The following UNC13C variants were observed in gnomAD, a reference collection of about 807,000 sequenced individuals.
The protein encoded by UNC13C is protein unc-13 homolog C.
UNC13C carries 174 observed loss-of-function variants against 245.4 expected under a neutral mutation model. That is an observed-to-expected ratio of 0.71 (90% CI 0.63 to 0.80). The LOEUF (loss-of-function observed/expected upper bound fraction) is 0.80. Among genes scored for constraint, UNC13C ranks in the 30% least tolerant of loss-of-function variants. UNC13C has a pLI of 0.00. For missense variants in UNC13C, 2,829 were observed against 2,602.9 expected (o/e 1.09, Z -1.89); for synonymous variants, 992 against 895.1 (o/e 1.11, Z -1.93).
chr15:54,285,096 A>G (rs1366761785), intron 10 of UNC13C, among the ~76,000 whole-genome samples: 2 of 152,176 alleles, frequency 1.3e-5, no homozygotes, highest in East Asian at 1.9e-4. Context: ...AAGCCAGTGC[A>G]TGAACTCCTC....
chr15:54,366,267 C>T (rs192544477), intron 17 of UNC13C, among the ~76,000 whole-genome samples: 123 of 152,208 alleles, frequency 8.1e-4, no homozygotes, highest in Middle Eastern at 3.4e-3. Context: ...AGATATATTT[C>T]CATAACGTGG....
intron 2 of UNC13C, among the ~76,000 whole-genome samples, chr15:54,100,367 T>C (rs931458181): frequency 2.6e-5 from 4 of 152,148 alleles, no homozygotes; most frequent in Admixed American, 1.3e-4. Flanking sequence ...ATTGACATGT[T>C]CTCCACTCAT....
the UNC13C span, among the ~76,000 whole-genome samples, chr15:53,875,499 A>G: frequency 6.6e-6 from 1 of 152,116 alleles, no homozygotes; most frequent in African/African-American, 2.4e-5. Flanking sequence ...TGGTAAGGTG[A>G]TTTGAAGGCT....
chr15:54,431,647 T>G (rs757340493), intron 19 of UNC13C, among the ~76,000 whole-genome samples: 12 of 151,750 alleles, frequency 7.9e-5, no homozygotes, highest in African/African-American at 2.9e-4. Context: ...TTTTCAAGAC[T>G]GTTGGTTATA....
At chr15:53,867,059 C>T in the UNC13C span, among the ~76,000 whole-genome samples, 1 of 152,190 alleles carries the variant, frequency 6.6e-6, no homozygotes, top group African/African-American at 2.4e-5. Flanking sequence ...GGAACATCCT[C>T]AGTAACTTGG....
At chr15:54,172,709 TATATATA>T (rs2033452921) in intron 4 of UNC13C, among the ~76,000 whole-genome samples, 18 of 54,244 alleles carry the variant, frequency 3.3e-4, no homozygotes, top group African/African-American at 2.8e-3. Flanking sequence ...CACAGATATA[TATATATA>T]TATATATATA....
At position 54,623,920 on chromosome 15, in the gene UNC13C, A is replaced by C. The variant is rs773796645; in HGVS notation, c.6325A>C (p.Thr2109Pro). Residue 2109 changes from threonine (T) to proline (P), a missense_variant, in exon 32 of 33, where the codon ACA becomes CCA. By Grantham distance (38) the Thr-to-Pro change is conservative (BLOSUM62 -1). Transcript: ENST00000260323. Reference protein sequence around the residue: ...RKQGTKTKSNTWSPKYNETFQ... With the variant: ...RKQGTKTKSNPWSPKYNETFQ... ...ACAAGGCACAAAAACAAAAAGCAAC[A>C]CATGGTCACCAAAGTACAATGAAAC... is the stretch of plus-strand genomic sequence containing the variant. 2.5e-6 allele frequency: 4 copies of C among 1,613,324 alleles called. No individual in the cohort carries two copies. Among genetic ancestry groups the C allele is most frequent in the Non-Finnish European group, 3.4e-6 (4 of 1,179,428 alleles).
At chr15:54,238,404 G>A (rs1360931626) in intron 7 of UNC13C, among the ~76,000 whole-genome samples, 2 of 151,892 alleles carry the variant, frequency 1.3e-5, no homozygotes, top group African/African-American at 2.4e-5. Flanking sequence ...ACCTCCATAG[G>A]GTCATATGAT....
chr15:54,287,832 G>A (rs891916286), intron 10 of UNC13C, among the ~76,000 whole-genome samples: 2 of 152,154 alleles, frequency 1.3e-5, no homozygotes, highest in Admixed American at 6.6e-5. Flanking sequence ...AACCTCTTTA[G>A]CTTCTCAGCA....
At chr15:54,568,851 C>G (rs1897627146) in intron 30 of UNC13C, among the ~76,000 whole-genome samples, 1 of 152,068 alleles carries the variant, frequency 6.6e-6, no homozygotes, top group Non-Finnish European at 1.5e-5. Context: ...CTACCTATAT[C>G]AAAGATAAAG....
At chr15:54,297,441 C>T (rs1438140902) in intron 11 of UNC13C, among the ~76,000 whole-genome samples, 1 of 152,036 alleles carries the variant, frequency 6.6e-6, no homozygotes, top group Admixed American at 6.6e-5. Context: ...TAACCTCAAA[C>T]TCCTGAGTTC....
chr15:54,408,562 C>T (rs988109436), intron 18 of UNC13C, among the ~76,000 whole-genome samples: 7 of 151,996 alleles, frequency 4.6e-5, no homozygotes, highest in Non-Finnish European at 5.9e-5. Flanking sequence ...AATTGAATTT[C>T]AAAAATGATA....
chr15:53,911,430 A>G, the UNC13C span: 2 of 152,358 alleles, frequency 1.3e-5, no homozygotes, highest in African/African-American at 2.4e-5. Context: ...ATGGGACCGC[A>G]GGCGAGATCC....
chr15:54,618,115 T>G (rs187364353), intron 30 of UNC13C, among the ~76,000 whole-genome samples: 78 of 152,274 alleles, frequency 5.1e-4, no homozygotes, highest in Admixed American at 2.8e-3. Context: ...CATAGCATAC[T>G]AAAATTATGG....
At chr15:54,539,348 G>A (rs996003285) in intron 26 of UNC13C, among the ~76,000 whole-genome samples, 1 of 151,912 alleles carries the variant, frequency 6.6e-6, no homozygotes, top group Non-Finnish European at 1.5e-5. Context: ...AGGGAAGTAG[G>A]TGCAGAAGAA....
chr15:54,092,636 T>C (rs1438032220), intron 2 of UNC13C, among the ~76,000 whole-genome samples: 3 of 152,146 alleles, frequency 2.0e-5, no homozygotes, highest in African/African-American at 7.2e-5. Flanking sequence ...ATGCAAATAG[T>C]TTGAAGAGAA....
chr15:54,352,455 T>C (rs2039006282), intron 17 of UNC13C, among the ~76,000 whole-genome samples: 1 of 151,170 alleles, frequency 6.6e-6, no homozygotes, highest in Admixed American at 6.6e-5. Context: ...TAAAATGGTG[T>C]TGCATTAATG....
chr15:54,311,186 A>G (rs936247170), intron 13 of UNC13C, among the ~76,000 whole-genome samples: 1 of 151,742 alleles, frequency 6.6e-6, no homozygotes, highest in Non-Finnish European at 1.5e-5. Context: ...ATCAGTATCA[A>G]ATGAGTAAGC....
chr15:53,909,775 C>A, the UNC13C span, among the ~76,000 whole-genome samples: 2 of 146,178 alleles, frequency 1.4e-5, no homozygotes, highest in Admixed American at 7.0e-5. Context: ...CTTTTTAATT[C>A]TTTCTTTGAA....
Sources: gnomAD v4.1 joint callset for allele counts (sites outside exome capture counted in the v4.1 genomes callset) on GRCh38, gnomAD v4.1.1 for gene constraint, MANE v1.5 for transcripts, NCBI Gene and HGNC (gene_info 2026-07-23, HGNC 2026-07-21) for gene names.